The following DNMT1 variants were observed in gnomAD, a reference collection of about 807,000 sequenced individuals.
The protein encoded by DNMT1 is DNA methyltransferase 1.
A neutral mutation model predicts 205.3 loss-of-function variants in DNMT1; 24 were observed. That is an observed-to-expected ratio of 0.12 (90% CI 0.08 to 0.16). The LOEUF (loss-of-function observed/expected upper bound fraction) is 0.16. DNMT1 is among the 10% of genes least tolerant of loss of function. The probability of loss-of-function intolerance (pLI) is 1.00; values close to 1 mark genes in which losing one functional copy is unlikely to be tolerated. For synonymous variants in DNMT1, 817 were observed against 839.8 expected (o/e 0.97, Z 0.47); for missense variants, 1,293 against 2,177.7 (o/e 0.59, Z 8.09).
chr19:10,174,327 G>T (rs1176205222), intron 7 of DNMT1, among the ~76,000 whole-genome samples: 13 of 151,798 alleles, frequency 8.6e-5, no homozygotes, highest in Admixed American at 8.5e-4. Flanking sequence ...GAGGTGGGAG[G>T]ATCGCTTAAG....
chr19:10,166,429 C>T (rs1030612943), intron 11 of DNMT1, among the ~76,000 whole-genome samples, 169 bp downstream of exon 11: 6 of 152,088 alleles, frequency 3.9e-5, no homozygotes, highest in African/African-American at 4.8e-5. Flanking sequence ...CCACAAATCC[C>T]GGCCCCCAAA....
At chr19:10,173,209 G>A in intron 8 of DNMT1, 35 bp from the exon 9 acceptor site, 1 of 1,609,660 alleles carries the variant, frequency 6.2e-7, no homozygotes, top group Non-Finnish European at 8.5e-7. Flanking sequence ...CCAAGTGTGA[G>A]TGCCAGGAGC....
Position 10,149,111 on chromosome 19 carries a change from G to C in DNMT1, c.2587-94C>G, listed in dbSNP as rs139777239. 8.0e-5 allele frequency: 123 copies of C among 1,544,906 alleles called. 1 individual carries two copies. In the African/African-American group the frequency reaches 1.2e-3, roughly 16 times the overall value. ...GGCCGAGGCGGGTGGATCACCTAAG[G>C]TCAGGAGTTCGAGACCAGCCTGGCC... On this transcript the variant is annotated intron_variant, in intron 26 of 40. Coordinates refer to ENST00000359526, the MANE Select transcript of DNMT1 (RefSeq NM_001130823.3).
chr19:10,153,770 G>A (rs2038398636), intron 22 of DNMT1, among the ~76,000 whole-genome samples: 1 of 152,084 alleles, frequency 6.6e-6, no homozygotes, highest in South Asian at 2.1e-4. Flanking sequence ...AGATGCCAGC[G>A]GGGATCAAAA....
Position 10,148,872 on chromosome 19 carries a change from C to A in DNMT1, c.2720+12G>T, listed in dbSNP as rs1426999234. The A allele has an allele frequency of 1.2e-6, 2 of 1,614,112 alleles. No individual in the cohort carries two copies. Among genetic ancestry groups the A allele is most frequent in the Non-Finnish European group, 1.7e-6 (2 of 1,179,992 alleles). ...AGTGCCTGCTGACCCCGAGTCCAGC[C>A]CCAGTGCTCACTTGAACTTGTTGTC... On this transcript the variant is annotated intron_variant, in intron 27 of 40. Transcript: ENST00000359526.
chr19:10,136,005 A>T, intron 38 of DNMT1, 116 bp downstream of exon 38: 2 of 1,525,324 alleles, frequency 1.3e-6, no homozygotes, highest in Non-Finnish European at 1.8e-6. Context: ...GGCAGAGGCC[A>T]GGTGCCTGGG....
intron 9 of DNMT1, among the ~76,000 whole-genome samples, chr19:10,169,537 A>G (rs2038769446): frequency 6.6e-6 from 1 of 151,920 alleles, no homozygotes; most frequent in Admixed American, 6.6e-5. Flanking sequence ...AGCCTGGGCG[A>G]CAAGAGCGAG....
chr19:10,172,739 T>C (rs925248820), intron 9 of DNMT1, among the ~76,000 whole-genome samples: 1 of 151,666 alleles, frequency 6.6e-6, no homozygotes, highest in African/African-American at 2.4e-5. Flanking sequence ...CACTTGAACC[T>C]GGGAGGCAGA....
rs147151629 is a variant in DNMT1 at position 10,159,396 on chromosome 19, G to A, written c.1280+262C>T. On this transcript the variant is annotated intron_variant, in intron 17 of 40. Coordinates refer to ENST00000359526, the MANE Select transcript of DNMT1 (RefSeq NM_001130823.3). This position sits in a 1 kb window ranked among gnomAD's most constrained non-coding sequence, Gnocchi z 5.0. ...ACACCTGGCTACTTTTTGTATTTTC[G>A]GTAGGTTTCGCCATGTTGGCCAGGC... is the stretch of plus-strand genomic sequence containing the variant. Among the ~76,000 whole-genome samples, 4 of 152,132 alleles carry A rather than the reference G, an allele frequency of 2.6e-5. No homozygotes were observed. The highest frequency in any genetic ancestry group is 7.2e-5 in the African/African-American group (3 of 41,500).
chr19:10,169,391 A>T (rs1215051640), intron 9 of DNMT1, among the ~76,000 whole-genome samples: 2 of 148,890 alleles, frequency 1.3e-5, no homozygotes, highest in African/African-American at 4.9e-5. Flanking sequence ...AAATACAAAA[A>T]AAAAAAAAAA....
intron 12 of DNMT1, chr19:10,162,964 C>CT (rs397859775): frequency 0.024 from 8,331 of 351,336 alleles, 22 homozygotes; most frequent in African/African-American, 0.036. Context: ...CTAGAACAGG[C>CT]TTTTTTTTTT....
Position 10,137,179 on chromosome 19 carries a change from G to C in DNMT1, c.4395C>G (p.Gly1465=). 5.0e-6 allele frequency: 8 copies of C among 1,610,092 alleles called. No individual in the cohort carries two copies. Among genetic ancestry groups the C allele is most frequent in the Non-Finnish European group, 6.8e-6 (8 of 1,178,892 alleles). ...TATACCGCAGCTTCCTGGCCATGGT[G>C]CCGTCTGAGAGCCGCACCTCGATGT... ...LPNIEVRLSD[G]TMARKLRYTH... is the part of the protein sequence containing the mutation. The change falls in exon 37 of 41, where the codon GGC becomes GGG. Residue 1465 remains glycine (G), a synonymous_variant. Coordinates refer to ENST00000359526, the MANE Select transcript of DNMT1 (RefSeq NM_001130823.3). This position sits in a 1 kb window ranked among gnomAD's most constrained non-coding sequence, Gnocchi z 6.4.
Position 10,151,842 on chromosome 19 carries a change from A to G in DNMT1, c.2025T>C (p.Cys675=). The G allele has an allele frequency of 6.2e-7, 1 of 1,614,038 alleles. No homozygotes were observed. Among genetic ancestry groups the G allele is most frequent in the South Asian group, 1.1e-5 (1 of 91,084 alleles). The part of the protein sequence containing the change: ...KRRRCGVCEV[C]QQPECGKCKA... ...TACATTTCCCACACTCAGGCTGCTG[A>G]CACACCTAAAAAATGGCATTAAAAA... Residue 675 remains cysteine (C), a synonymous_variant, in exon 23 of 41, where the codon TGT becomes TGC. Coordinates refer to ENST00000359526, the MANE Select transcript of DNMT1 (RefSeq NM_001130823.3). This position sits in a 1 kb window ranked among gnomAD's most constrained non-coding sequence, Gnocchi z 5.0.
chr19:10,148,759 TTG>T, intron 27 of DNMT1, 123 bp downstream of exon 27: 1 of 1,550,082 alleles, frequency 6.5e-7, no homozygotes. Context: ...AGGCTGGCCT[TTG>T]ACGAGCAAGA....
chr19:10,138,450 G>A lies in DNMT1; in HGVS notation c.4104C>T (p.Ser1368=). 6.2e-7 allele frequency: 1 copy of A among 1,613,966 alleles called. No individual in the cohort carries two copies. The highest frequency in any genetic ancestry group is 1.1e-5 in the South Asian group (1 of 91,090). ...CGGGGGCCACCTACCTGGTTATGTT[G>A]CTCACAAACTTCTTGTCATCCACCA... is the stretch of plus-strand genomic sequence containing the variant. The part of the protein sequence containing the change: ...SVVVDDKKFV[S]NITRLSSGPF... The change falls in exon 35 of 41, where the codon AGC becomes AGT. Residue 1368 remains serine (S), a synonymous_variant. Coordinates refer to ENST00000359526, the MANE Select transcript of DNMT1 (RefSeq NM_001130823.3). The surrounding 1 kb of genome is among the most constrained non-coding windows in gnomAD (Gnocchi z 4.1).
chr19:10,150,328 A>C (rs968136135), intron 24 of DNMT1, among the ~76,000 whole-genome samples: 1 of 152,182 alleles, frequency 6.6e-6, no homozygotes, highest in Non-Finnish European at 1.5e-5. Flanking sequence ...CCCTGGCTCA[A>C]GCCACTCCAG....
rs1267732085 is a variant in DNMT1, at chr19:10,148,944, T to G, written c.2660A>C (p.Gln887Pro). Residue 887 changes from glutamine to proline, a missense_variant, in exon 27 of 41, where the codon CAA becomes CCA. Gln to Pro is a moderately conservative substitution (Grantham distance 76). Around this residue, in one of 13 missense-constraint regions of DNMT1, gnomAD observed 112 missense variants for 116.6 expected, o/e 0.96. Transcript: ENST00000359526. ...KTYFYQLWYD[Q>P]DYARFESPPK... ...AGGGGACTCGAATCTCGCGTAGTCT[T>G]GATCATACCACAGCTGGTAGAAGTA... is the stretch of plus-strand genomic sequence containing the variant. 1.2e-6 allele frequency: 2 copies of G among 1,614,076 alleles called. No individual in the cohort carries two copies. The highest frequency in any genetic ancestry group is 2.7e-5 in the African/African-American group (2 of 74,938).
Position 10,162,754 on chromosome 19 carries a change from G to A in DNMT1, c.927-6C>T. 1.2e-6 allele frequency: 2 copies of A among 1,614,014 alleles called. No homozygotes were observed. Among genetic ancestry groups the A allele is most frequent in the Non-Finnish European group, 1.7e-6 (2 of 1,180,004 alleles). On this transcript the variant is annotated splice_polypyrimidine_tract_variant and splice_region_variant and intron_variant, in intron 12 of 40. Coordinates refer to ENST00000359526, the MANE Select transcript of DNMT1 (RefSeq NM_001130823.3). ...CGGGCCTCCGTTTGGCAGCTCTGCA[G>A]GGTGAACAGATACACAGCAAGTAGC...
intron 17 of DNMT1, among the ~76,000 whole-genome samples, chr19:10,157,425 T>C (rs2038480874): frequency 6.6e-6 from 1 of 152,202 alleles, no homozygotes; most frequent in Non-Finnish European, 1.5e-5. Context: ...ACTGTCCAGA[T>C]GCCCCTTGAC....
Sources: gnomAD v4.1 joint callset for allele counts (sites outside exome capture counted in the v4.1 genomes callset) on GRCh38, gnomAD v4.1.1 for gene constraint, gnomAD v4.1.1 regional missense constraint, Gnocchi (gnomAD v3.1) non-coding constraint, MANE v1.5 for transcripts, NCBI Gene and HGNC (gene_info 2026-07-23, HGNC 2026-07-21) for gene names.